The following GPC5 variants were observed in gnomAD, a reference collection of about 807,000 sequenced individuals.
GPC5 encodes the protein glypican-5.
GPC5 carries 47 observed loss-of-function variants against 53.9 expected under a neutral mutation model. The ratio of observed to expected loss-of-function variants is 0.87; its 90% confidence interval spans 0.69 to 1.11. The LOEUF is 1.11. GPC5 is among the 50% of genes most tolerant of loss of function. The pLI, the probability that GPC5 is intolerant of heterozygous loss-of-function variation, is 0.00. For synonymous variants in GPC5, 286 were observed against 263.3 expected, an observed-to-expected ratio of 1.09 and a Z score of -0.84; for missense variants, 748 against 713.1, an observed-to-expected ratio of 1.05 and a Z score of -0.56.
At chr13:92,584,325 A>T (rs867233290) in intron 7 of GPC5, among the ~76,000 whole-genome samples, 1 of 152,140 alleles carries the variant, frequency 6.6e-6, no homozygotes, top group Non-Finnish European at 1.5e-5. Flanking sequence ...GGAGATGAGG[A>T]ACTTCTTGGA....
At chr13:92,572,220 A>G (rs534551196) in intron 7 of GPC5, among the ~76,000 whole-genome samples, 49 of 152,326 alleles carry the variant, frequency 3.2e-4, no homozygotes, top group African/African-American at 1.1e-3. Flanking sequence ...AGAATTAAAT[A>G]TCTGGTCCGA....
intron 5 of GPC5, among the ~76,000 whole-genome samples, chr13:91,841,785 T>C (rs1186828744): frequency 1.3e-5 from 2 of 152,066 alleles, no homozygotes; most frequent in African/African-American, 2.4e-5. Flanking sequence ...CTATCTCAAG[T>C]AGAACAAACA....
At chr13:92,311,091 C>A (rs897059336) in intron 7 of GPC5, among the ~76,000 whole-genome samples, 2 of 151,996 alleles carry the variant, frequency 1.3e-5, no homozygotes, top group African/African-American at 4.8e-5. Context: ...CACTTTATAT[C>A]TTTTATGGAA....
chr13:91,602,911 G>A (rs142755291), intron 2 of GPC5, among the ~76,000 whole-genome samples: 16 of 152,254 alleles, frequency 1.1e-4, no homozygotes, highest in Middle Eastern at 3.4e-3. Context: ...ACTAAGATAC[G>A]CCTAGAATAT....
At chr13:92,014,923 A>G (rs2040693954) in intron 6 of GPC5, among the ~76,000 whole-genome samples, 1 of 152,156 alleles carries the variant, frequency 6.6e-6, no homozygotes, top group Non-Finnish European at 1.5e-5. Context: ...ATTCTTAGAA[A>G]TGGAAGAGTT....
chr13:92,669,687 C>A (rs1886683831), intron 7 of GPC5, among the ~76,000 whole-genome samples: 1 of 152,140 alleles, frequency 6.6e-6, no homozygotes, highest in African/African-American at 2.4e-5. Flanking sequence ...AGGCATTTGT[C>A]CTCTTGGAAA....
At chr13:92,048,568 G>T (rs2041002224) in intron 6 of GPC5, among the ~76,000 whole-genome samples, 1 of 152,142 alleles carries the variant, frequency 6.6e-6, no homozygotes, top group Middle Eastern at 3.2e-3. Flanking sequence ...TATATTTTGT[G>T]TAAGTTTTAA....
intron 2 of GPC5, among the ~76,000 whole-genome samples, chr13:91,575,193 T>G (rs2032087162): frequency 6.6e-6 from 1 of 152,186 alleles, no homozygotes; most frequent in Non-Finnish European, 1.5e-5. Context: ...CCTATTTTAC[T>G]ACATTGAATT....
chr13:91,472,201 A>T (rs960215952), intron 2 of GPC5, among the ~76,000 whole-genome samples: 2 of 152,188 alleles, frequency 1.3e-5, no homozygotes, highest in African/African-American at 4.8e-5. Context: ...GACAATGTAT[A>T]ATCTATGGTA....
At chr13:92,382,099 A>G (rs1308054913) in intron 7 of GPC5, among the ~76,000 whole-genome samples, 1 of 151,564 alleles carries the variant, frequency 6.6e-6, no homozygotes, top group Non-Finnish European at 1.5e-5. Context: ...ATTATTCTAA[A>G]TGAAGTAACT....
chr13:92,609,644 C>G (rs1437242907), intron 7 of GPC5, among the ~76,000 whole-genome samples: 1 of 152,124 alleles, frequency 6.6e-6, no homozygotes, highest in Non-Finnish European at 1.5e-5. Flanking sequence ...GAGGCACAAG[C>G]AGCTAATCTT....
intron 7 of GPC5, among the ~76,000 whole-genome samples, chr13:92,753,060 G>A (rs1311253288): frequency 3.3e-5 from 5 of 152,216 alleles, no homozygotes; most frequent in African/African-American, 1.2e-4. Flanking sequence ...CAAAAAGACA[G>A]CAGTAACCTC....
At chr13:92,255,644 T>C (rs2042721619) in intron 7 of GPC5, among the ~76,000 whole-genome samples, 1 of 152,170 alleles carries the variant, frequency 6.6e-6, no homozygotes, top group African/African-American at 2.4e-5. Context: ...GTTTCCTTTA[T>C]GCAATCACTG....
At chr13:92,728,315 T>C (rs183608124) in intron 7 of GPC5, among the ~76,000 whole-genome samples, 18 of 151,638 alleles carry the variant, frequency 1.2e-4, no homozygotes, top group Non-Finnish European at 2.5e-4. Context: ...TATCTTGCTT[T>C]GTTGCTAATC....
intron 7 of GPC5, among the ~76,000 whole-genome samples, chr13:92,565,275 C>T (rs1368734104): frequency 2.0e-5 from 3 of 152,044 alleles, no homozygotes; most frequent in Non-Finnish European, 2.9e-5. Flanking sequence ...GAAAAAGAAA[C>T]GAACATTTAT....
At chr13:92,266,977 C>T (rs1413954512) in intron 7 of GPC5, among the ~76,000 whole-genome samples, 1 of 151,476 alleles carries the variant, frequency 6.6e-6, no homozygotes, top group Non-Finnish European at 1.5e-5. Flanking sequence ...CTTTTTGTGT[C>T]CTCCCACCAA....
chr13:92,740,960 G>GTGTGTGTATATATATA (rs35795926), intron 7 of GPC5, among the ~76,000 whole-genome samples: 3 of 117,758 alleles, frequency 2.5e-5, no homozygotes, highest in Non-Finnish European at 5.6e-5. Context: ...ATATGTATGT[G>GTGTGTGTATATATATA]TATATATATA....
intron 7 of GPC5, among the ~76,000 whole-genome samples, chr13:92,534,479 TA>T (rs1418643367): frequency 2.6e-5 from 4 of 152,214 alleles, no homozygotes; most frequent in African/African-American, 9.6e-5. Flanking sequence ...AGTAACTTCC[TA>T]GACAGCATTT....
intron 5 of GPC5, among the ~76,000 whole-genome samples, chr13:91,842,199 A>G (rs961565713): frequency 5.3e-5 from 8 of 152,038 alleles, no homozygotes; most frequent in African/African-American, 1.9e-4. Flanking sequence ...ACTTAGAAAC[A>G]AGGCAATTCA....
Sources: gnomAD v4.1 joint callset for allele counts (sites outside exome capture counted in the v4.1 genomes callset) on GRCh38, gnomAD v4.1.1 for gene constraint, MANE v1.5 for transcripts, NCBI Gene and HGNC (gene_info 2026-07-23, HGNC 2026-07-21) for gene names.